The following TENM3 variants were observed in gnomAD, a reference collection of about 807,000 sequenced individuals.
TENM3 encodes teneurin-3.
TENM3 carries 63 observed loss-of-function variants against 255.1 expected under a neutral mutation model. The ratio of observed to expected loss-of-function variants is 0.25; its 90% CI spans 0.20 to 0.30. The LOEUF (loss-of-function observed/expected upper bound fraction) is 0.30. Ranked by LOEUF, TENM3 falls within the 10% of genes least tolerant of loss-of-function variation. The pLI, the probability that TENM3 is intolerant of heterozygous loss-of-function variation, is 1.00. For missense variants in TENM3, 2,929 were observed against 3,461.1 expected, an observed-to-expected ratio of 0.85 and a Z score of 3.86; for synonymous variants, 1,306 against 1,322.3, an observed-to-expected ratio of 0.99 and a Z score of 0.27.
chr4:181,996,937 T>C, the TENM3 span, among the ~76,000 whole-genome samples: 1 of 152,196 alleles, frequency 6.6e-6, no homozygotes, highest in Non-Finnish European at 1.5e-5. Flanking sequence ...CAACACACAA[T>C]GAATGAATGA....
Position 182,681,832 on chromosome 4 carries a change from G to A in TENM3, c.1853G>A (p.Gly618Glu), listed in dbSNP as rs1459104919. 1 of 1,613,436 alleles carries A rather than the reference G, an allele frequency of 6.2e-7. No homozygotes were observed. Among genetic ancestry groups the A allele is most frequent in the Non-Finnish European group, 8.5e-7 (1 of 1,179,620 alleles). Residue 618 changes from glycine (G) to glutamate (E), a missense_variant, in exon 11 of 28, where the codon GGG (glycine) becomes GAG (glutamate). Transcript: ENST00000511685. ...ACACCAGCTGACTGTATAGACCCTGGGTGTTCTAATCATGGTGTGTGTATC... is the reference window on the plus strand; with the variant it reads ...ACACCAGCTGACTGTATAGACCCTGAGTGTTCTAATCATGGTGTGTGTATC... ...SCEEADCIDP[G>E]CSNHGVCIHG... is the part of the protein sequence containing the mutation.
chr4:182,150,565 A>G (rs946621903), intron 1 of TENM3, among the ~76,000 whole-genome samples: 2 of 151,102 alleles, frequency 1.3e-5, no homozygotes, highest in African/African-American at 4.9e-5. Flanking sequence ...TCTATTTTAT[A>G]GGCATGCTTG....
the TENM3 span, among the ~76,000 whole-genome samples, chr4:181,768,637 A>G: frequency 6.6e-6 from 1 of 152,186 alleles, no homozygotes; most frequent in Non-Finnish European, 1.5e-5. Context: ...GTGCCAATTT[A>G]TATGACAAAA....
At chr4:182,365,487 A>C (rs6825098) in intron 3 of TENM3, among the ~76,000 whole-genome samples, 148,207 of 152,310 alleles carry the variant, frequency 0.97, 72,189 homozygotes, top group East Asian at 1. Context: ...CACAGGCCCA[A>C]TGTGTGGTCC....
At chr4:181,805,613 G>GTGTGTGGT in the TENM3 span, among the ~76,000 whole-genome samples, 1 of 120,756 alleles carries the variant, frequency 8.3e-6, no homozygotes, top group Non-Finnish European at 1.9e-5. Context: ...GTGTGTGTGT[G>GTGTGTGGT]GTGTGTGTGT....
chr4:182,531,086 G>T (rs1004513075), intron 3 of TENM3, among the ~76,000 whole-genome samples: 19 of 152,272 alleles, frequency 1.2e-4, no homozygotes, highest in African/African-American at 4.6e-4. Flanking sequence ...GGAGTGGTTG[G>T]AGGAGAATGG....
At chr4:182,023,703 TC>T in the TENM3 span, among the ~76,000 whole-genome samples, 1 of 152,220 alleles carries the variant, frequency 6.6e-6, no homozygotes, top group South Asian at 2.1e-4. Flanking sequence ...TTTAAACACT[TC>T]CTGCCAGGGG....
chr4:181,843,815 G>A, the TENM3 span, among the ~76,000 whole-genome samples: 2 of 150,100 alleles, frequency 1.3e-5, no homozygotes, highest in African/African-American at 2.5e-5. Flanking sequence ...TGCCTCCCAG[G>A]TTCAAGCGAT....
chr4:182,682,536 A>G (rs71620939), intron 11 of TENM3, among the ~76,000 whole-genome samples: 16,050 of 152,196 alleles, frequency 0.11, 1,134 homozygotes, highest in South Asian at 0.14. Context: ...CAATCAGCCA[A>G]GTTGTTATTG....
At chr4:182,653,919 T>C (rs759894009) in intron 6 of TENM3, 26 bp downstream of exon 6, 26 of 1,583,988 alleles carry the variant, frequency 1.6e-5, no homozygotes, top group Non-Finnish European at 2.0e-5. Context: ...ATGTATCCTG[T>C]GTTTCTCTTT....
At chr4:182,023,436 T>G in the TENM3 span, among the ~76,000 whole-genome samples, 20 of 152,212 alleles carry the variant, frequency 1.3e-4, no homozygotes, top group African/African-American at 4.6e-4. Context: ...TATCATAGGT[T>G]TTTTCCTCTC....
the TENM3 span, among the ~76,000 whole-genome samples, chr4:181,897,774 A>C: frequency 6.6e-6 from 1 of 152,334 alleles, no homozygotes. Flanking sequence ...CAATGCATTT[A>C]TTAACTGTAT....
chr4:181,454,275 C>G, the TENM3 span, among the ~76,000 whole-genome samples: 173 of 152,216 alleles, frequency 1.1e-3, 2 homozygotes, highest in African/African-American at 4.1e-3. Context: ...CTGACTAGCA[C>G]ATTATCTTAA....
chr4:182,346,025 C>T (rs539876534), intron 2 of TENM3, among the ~76,000 whole-genome samples: 2 of 151,876 alleles, frequency 1.3e-5, no homozygotes, highest in South Asian at 4.2e-4. Flanking sequence ...CGTTATACTC[C>T]AACATTTAAT....
the TENM3 span, among the ~76,000 whole-genome samples, chr4:181,817,069 A>G: frequency 1.3e-5 from 2 of 152,172 alleles, no homozygotes; most frequent in African/African-American, 4.8e-5. Flanking sequence ...CTCTAAATTC[A>G]TGCTCCTTTC....
intron 1 of TENM3, among the ~76,000 whole-genome samples, chr4:182,170,930 C>T (rs776470506): frequency 2.6e-4 from 40 of 151,984 alleles, no homozygotes; most frequent in Admixed American, 7.2e-4. Flanking sequence ...TTTGATGCTT[C>T]TTACTATTTA....
At chr4:182,176,881 GC>G in intron 1 of TENM3, among the ~76,000 whole-genome samples, 1 of 141,108 alleles carries the variant, frequency 7.1e-6, no homozygotes, top group Admixed American at 7.6e-5. Context: ...CACCATGTTG[GC>G]CAGGCTGGTC....
the TENM3 span, among the ~76,000 whole-genome samples, chr4:181,523,918 C>CA: frequency 6.6e-6 from 1 of 152,012 alleles, no homozygotes; most frequent in Non-Finnish European, 1.5e-5. Context: ...TTTCATTTGA[C>CA]AAAAAGGGAA....
At chr4:182,248,271 T>C (rs769622428) in intron 1 of TENM3, among the ~76,000 whole-genome samples, 4 of 152,122 alleles carry the variant, frequency 2.6e-5, no homozygotes, top group Admixed American at 6.5e-5. Flanking sequence ...AAAAAAAATT[T>C]TAAATAAAAA....
Sources: gnomAD v4.1 joint callset for allele counts (sites outside exome capture counted in the v4.1 genomes callset) on GRCh38, gnomAD v4.1.1 for gene constraint, MANE v1.5 for transcripts, NCBI Gene and HGNC (gene_info 2026-07-23, HGNC 2026-07-21) for gene names.